CSMD1: variants seen among roughly 807,000 people sequenced by gnomAD.
CSMD1 encodes the protein CUB and sushi domain-containing protein 1.
CSMD1 carries 213 observed loss-of-function variants against 417.5 expected under a neutral mutation model. The ratio of observed to expected loss-of-function variants is 0.51; its 90% confidence interval spans 0.46 to 0.57. The LOEUF (loss-of-function observed/expected upper bound fraction) is 0.57, where lower values mean the gene tolerates loss of function less well. Ranked by LOEUF, CSMD1 falls within the 20% of genes least tolerant of loss-of-function variation. The pLI, the probability that CSMD1 is intolerant of heterozygous loss-of-function variation, is 0.00. For synonymous variants in CSMD1, 2,862 were observed against 1,736.8 expected (o/e 1.65, Z -16.11); for missense variants, 6,923 against 4,529.7 (o/e 1.53, Z -15.17).
chr8:3,327,806 T>TA (rs1806631000), intron 23 of CSMD1, among the ~76,000 whole-genome samples: 1 of 152,224 alleles, frequency 6.6e-6, no homozygotes, highest in Non-Finnish European at 1.5e-5. Context: ...GTAAATGTTG[T>TA]GTTTTTTCCT....
In CSMD1 at chr8:4,738,671, G is replaced by C. The variant is rs768446565; in HGVS notation, c.86-101113C>G. 3.3e-5 allele frequency among the ~76,000 whole-genome samples: 5 copies of C among 151,680 alleles called. No homozygotes were observed. In the South Asian group the frequency reaches 1.0e-3, roughly 32 times the overall value. Reference sequence around the variant, plus strand: ...ATCGTTTCTGTCATTTTTTGACAAAGTAAAAAAAATCAGTATATTATATAA... The same window carrying C: ...ATCGTTTCTGTCATTTTTTGACAAACTAAAAAAAATCAGTATATTATATAA... On this transcript the variant is annotated intron_variant, in intron 1 of 69. Transcript: ENST00000635120.
At chr8:4,110,864 A>G (rs1389783502) in intron 3 of CSMD1, among the ~76,000 whole-genome samples, 1 of 152,058 alleles carries the variant, frequency 6.6e-6, no homozygotes, top group Non-Finnish European at 1.5e-5. Context: ...TTTTTCCTTG[A>G]AGAGTACTGA....
At chr8:3,177,663 G>C (rs1320100022) in intron 37 of CSMD1, among the ~76,000 whole-genome samples, 1 of 152,038 alleles carries the variant, frequency 6.6e-6, no homozygotes, top group Non-Finnish European at 1.5e-5. Flanking sequence ...TAAAAAAACA[G>C]ATGGGGTAAA....
At chr8:3,926,065 C>CACACAAACACCAT (rs1809660991) in intron 5 of CSMD1, among the ~76,000 whole-genome samples, 1 of 138,880 alleles carries the variant, frequency 7.2e-6, no homozygotes, top group Non-Finnish European at 1.5e-5. Flanking sequence ...CACACACACA[C>CACACAAACACCAT]ACACACACAA....
intron 6 of CSMD1, among the ~76,000 whole-genome samples, chr8:3,714,142 G>A (rs1471590): frequency 0.41 from 60,618 of 149,106 alleles, 12,369 homozygotes; most frequent in East Asian, 0.5. Context: ...AAGTTTATAC[G>A]TATTTAGAAA....
chr8:4,038,357 C>A (rs941706626), intron 3 of CSMD1, among the ~76,000 whole-genome samples: 3 of 151,882 alleles, frequency 2.0e-5, no homozygotes, highest in East Asian at 1.9e-4. Context: ...ACTAAAAAAT[C>A]AAAAAAACTT....
At position 2,986,104 on chromosome 8, in the gene CSMD1, T is replaced by C. The variant is rs571916730; in HGVS notation, c.8378-7304A>G. 7.9e-5 allele frequency among the ~76,000 whole-genome samples: 12 copies of C among 152,178 alleles called. No individual in the cohort carries two copies. In the South Asian group the frequency reaches 1.9e-3, roughly 24 times the overall value. ...GGGACTGATAACCAGGTTACAGCTATAGTTTTGGCTTTTAGGTGTGATAAA... is the reference window on the plus strand; with the variant it reads ...GGGACTGATAACCAGGTTACAGCTACAGTTTTGGCTTTTAGGTGTGATAAA... On this transcript the variant is annotated intron_variant, in intron 54 of 69. Transcript: ENST00000635120.
At chr8:4,105,109 T>A (rs1205429483) in intron 3 of CSMD1, among the ~76,000 whole-genome samples, 2 of 152,194 alleles carry the variant, frequency 1.3e-5, no homozygotes, top group Non-Finnish European at 2.9e-5. Context: ...TAATGTGTCC[T>A]TAGCTCCCTA....
intron 26 of CSMD1, among the ~76,000 whole-genome samples, chr8:3,269,873 T>C (rs1287063356): frequency 6.6e-6 from 1 of 152,086 alleles, no homozygotes; most frequent in Non-Finnish European, 1.5e-5. Flanking sequence ...GGTTTGGATA[T>C]CTCATGAGCC....
chr8:4,843,859 C>A (rs955685575), intron 1 of CSMD1, among the ~76,000 whole-genome samples: 2 of 152,200 alleles, frequency 1.3e-5, no homozygotes, highest in African/African-American at 2.4e-5. Flanking sequence ...TTGGAGTCAA[C>A]CGCAATTTAA....
At chr8:4,120,998 T>C (rs1017176801) in intron 3 of CSMD1, among the ~76,000 whole-genome samples, 9 of 152,352 alleles carry the variant, frequency 5.9e-5, no homozygotes, top group Non-Finnish European at 8.8e-5. Context: ...CATGAACCTT[T>C]TGATGGCTTG....
chr8:3,886,982 T>A (rs2129124921), intron 5 of CSMD1, among the ~76,000 whole-genome samples: 1 of 152,270 alleles, frequency 6.6e-6, no homozygotes, highest in African/African-American at 2.4e-5. Context: ...TTATGAACAC[T>A]TAGAGAAGCA....
intron 8 of CSMD1, among the ~76,000 whole-genome samples, chr8:3,596,237 T>G (rs979327137): frequency 1.3e-5 from 2 of 152,140 alleles, no homozygotes; most frequent in Non-Finnish European, 2.9e-5. Context: ...ACCGTCCAGC[T>G]CACACCTCCA....
At chr8:3,336,501 C>G (rs1051540659) in intron 23 of CSMD1, among the ~76,000 whole-genome samples, 3 of 152,198 alleles carry the variant, frequency 2.0e-5, no homozygotes, top group African/African-American at 7.2e-5. Context: ...ATTATTGTCC[C>G]TGCTTCACAG....
intron 7 of CSMD1, among the ~76,000 whole-genome samples, chr8:3,699,335 G>C (rs1021771189): frequency 2.6e-5 from 4 of 152,210 alleles, no homozygotes; most frequent in East Asian, 1.9e-4. Context: ...TGAAACTAGT[G>C]TGTTTTACTG....
chr8:3,709,678 A>ATTTTTTTTTTTTTTTTTTTTTT (rs1563296488), intron 6 of CSMD1, among the ~76,000 whole-genome samples: 2 of 24,318 alleles, frequency 8.2e-5, no homozygotes, highest in African/African-American at 1.3e-4. Context: ...TTGCAGCAGC[A>ATTTTTTTTTTTTTTTTTTTTTT]TGTTTTTTTT....
intron 20 of CSMD1, among the ~76,000 whole-genome samples, chr8:3,362,566 T>C (rs1809264790): frequency 6.6e-6 from 1 of 152,370 alleles, no homozygotes; most frequent in Non-Finnish European, 1.5e-5. Context: ...TTGAAATTAA[T>C]TCTATGCCGA....
chr8:4,764,532 T>C (rs147955587), intron 1 of CSMD1, among the ~76,000 whole-genome samples: 1 of 152,246 alleles, frequency 6.6e-6, no homozygotes, highest in African/African-American at 2.4e-5. Flanking sequence ...AAATTAAGTG[T>C]TCTGCCCAAA....
At chr8:3,414,361 C>A (rs1428474757) in intron 12 of CSMD1, among the ~76,000 whole-genome samples, 27 of 151,818 alleles carry the variant, frequency 1.8e-4, no homozygotes, top group Admixed American at 1.8e-3. Flanking sequence ...GTTACAAATA[C>A]TGTCACACCT....
Sources: gnomAD v4.1 joint callset for allele counts (sites outside exome capture counted in the v4.1 genomes callset) on GRCh38, gnomAD v4.1.1 for gene constraint, MANE v1.5 for transcripts, NCBI Gene and HGNC (gene_info 2026-07-23, HGNC 2026-07-21) for gene names.